Variants in AGBL4 observed in about 807,000 individuals in gnomAD.
The protein encoded by AGBL4 is AGBL carboxypeptidase 4, also known as cytosolic carboxypeptidase 6.
A neutral mutation model predicts 66.4 loss-of-function variants in AGBL4; 58 were observed. The ratio of observed to expected loss-of-function variants is 0.87; its 90% confidence interval spans 0.71 to 1.09. The LOEUF is 1.09. AGBL4 is among the 50% of genes least tolerant of loss of function. The pLI, the probability that AGBL4 is intolerant of heterozygous loss-of-function variation, is 0.00. For synonymous variants in AGBL4, 234 were observed against 222.9 expected (o/e 1.05, Z -0.44); for missense variants, 579 against 631.0 (o/e 0.92, Z 0.88).
At position 48,765,203 on chromosome 1, in the gene AGBL4, T is replaced by C. The variant is rs938986649; in HGVS notation, c.635-101962A>G. Among the ~76,000 whole-genome samples, 5 of 152,188 alleles carry C rather than the reference T, an allele frequency of 3.3e-5. No individual in the cohort carries two copies. The East Asian group carries it at 5.8e-4, about 18-fold the overall frequency. ...CTTATCCACTGGCGTATGAGTAACC[T>C]CATCAGGGCAGGGCCCATATCATAG... On this transcript the variant is annotated intron_variant, in intron 6 of 13. Transcript: ENST00000371839.
In AGBL4 at chr1:49,979,117, T is replaced by C. The variant is rs569598542; in HGVS notation, c.34+44646A>G. On this transcript the variant is annotated intron_variant, in intron 1 of 13. Coordinates refer to ENST00000371839, the MANE Select transcript of AGBL4 (RefSeq NM_032785.4). ...GTAGATACAAGTATCTTTTATAATTTACTACTGTAAAATACATACAAATTT... is the reference window on the plus strand; with the variant it reads ...GTAGATACAAGTATCTTTTATAATTCACTACTGTAAAATACATACAAATTT... Among the ~76,000 whole-genome samples, 446 of 152,346 alleles carry C rather than the reference T, an allele frequency of 2.9e-3. 3 individuals are homozygous for C. The highest frequency in any genetic ancestry group is 0.01 in the African/African-American group (422 of 41,582).
At chr1:49,747,938 GTGTGTT>G (rs1327692376) in intron 2 of AGBL4, among the ~76,000 whole-genome samples, 1 of 97,342 alleles carries the variant, frequency 1.0e-5, no homozygotes, top group African/African-American at 4.4e-5. Flanking sequence ...AAAGGAGTGT[GTGTGTT>G]TGTGTGTGTG....
intron 3 of AGBL4, among the ~76,000 whole-genome samples, chr1:49,385,775 C>G (rs879644820): frequency 3.3e-5 from 5 of 152,028 alleles, no homozygotes; most frequent in African/African-American, 9.7e-5. Context: ...GTCATCATCA[C>G]TCACAGCAGG....
At chr1:48,587,227 C>A in intron 10 of AGBL4, 61 bp from the exon 11 acceptor site, 2 of 1,484,688 alleles carry the variant, frequency 1.3e-6, no homozygotes, top group African/African-American at 1.4e-5. Flanking sequence ...GGATTGTGGG[C>A]AAATTTTACA....
At chr1:49,235,207 T>A (rs765834752) in intron 4 of AGBL4, among the ~76,000 whole-genome samples, 1 of 152,202 alleles carries the variant, frequency 6.6e-6, no homozygotes, top group African/African-American at 2.4e-5. Context: ...ATGTCAGTGA[T>A]AACAGCACCA....
chr1:49,189,272 T>C (rs1260679043), intron 4 of AGBL4, among the ~76,000 whole-genome samples: 1 of 152,146 alleles, frequency 6.6e-6, no homozygotes, highest in Non-Finnish European at 1.5e-5. Flanking sequence ...CCTCTTATAG[T>C]TGTCTGGAAT....
At chr1:48,664,846 A>T (rs1055795221) in intron 6 of AGBL4, among the ~76,000 whole-genome samples, 2 of 152,242 alleles carry the variant, frequency 1.3e-5, no homozygotes, top group Non-Finnish European at 2.9e-5. Context: ...ATTGATACAG[A>T]GCACAACAAT....
chr1:49,573,213 G>A (rs1644369257), intron 3 of AGBL4, among the ~76,000 whole-genome samples: 1 of 147,730 alleles, frequency 6.8e-6, no homozygotes, highest in Non-Finnish European at 1.5e-5. Flanking sequence ...TATCCCTCTA[G>A]ACAACCCTGA....
chr1:48,796,530 A>C (rs1396158877), intron 6 of AGBL4, among the ~76,000 whole-genome samples: 1 of 152,186 alleles, frequency 6.6e-6, no homozygotes, highest in East Asian at 1.9e-4. Flanking sequence ...GGAAGGAAGC[A>C]CTGGAGGTTG....
intron 3 of AGBL4, among the ~76,000 whole-genome samples, chr1:49,307,356 A>G (rs1479093615): frequency 6.6e-6 from 1 of 152,064 alleles, no homozygotes; most frequent in African/African-American, 2.4e-5. Context: ...AAACAAACAA[A>G]CAAGCAAACA....
chr1:49,954,217 A>T (rs1436011966), intron 1 of AGBL4, among the ~76,000 whole-genome samples: 1 of 151,808 alleles, frequency 6.6e-6, no homozygotes, highest in East Asian at 1.9e-4. Flanking sequence ...TTTAATCTTC[A>T]TTTCCCTGGT....
At chr1:49,944,015 C>T (rs1231589314) in intron 1 of AGBL4, among the ~76,000 whole-genome samples, 2 of 152,044 alleles carry the variant, frequency 1.3e-5, no homozygotes, top group East Asian at 3.9e-4. Context: ...TGGGAACCCA[C>T]ACCCCCATCC....
intron 3 of AGBL4, among the ~76,000 whole-genome samples, chr1:49,500,740 C>T (rs900209406): frequency 7.2e-5 from 11 of 151,908 alleles, no homozygotes; most frequent in African/African-American, 2.4e-4. Flanking sequence ...GGTCTATATG[C>T]CTGTTTTTAT....
intron 6 of AGBL4, among the ~76,000 whole-genome samples, chr1:48,753,713 G>A (rs1652100226): frequency 1.3e-5 from 2 of 152,162 alleles, no homozygotes; most frequent in African/African-American, 4.8e-5. Flanking sequence ...CTCTAAAACG[G>A]AGATAATAAT....
chr1:48,835,413 T>C (rs1336843189), intron 6 of AGBL4, among the ~76,000 whole-genome samples: 1 of 152,038 alleles, frequency 6.6e-6, no homozygotes, highest in Admixed American at 6.6e-5. Flanking sequence ...CCTTAAATAA[T>C]CACACAAATA....
At chr1:49,095,361 G>A (rs1053115820) in intron 4 of AGBL4, among the ~76,000 whole-genome samples, 25 of 152,052 alleles carry the variant, frequency 1.6e-4, no homozygotes, top group Non-Finnish European at 3.4e-4. Context: ...AACCAAAAAC[G>A]AGCCCACATT....
intron 3 of AGBL4, among the ~76,000 whole-genome samples, chr1:49,470,394 A>C (rs895774339): frequency 6.6e-6 from 1 of 151,978 alleles, no homozygotes; most frequent in African/African-American, 2.4e-5. Flanking sequence ...AGGAGAAACT[A>C]ATTTACTATC....
At chr1:49,599,208 A>G (rs974641450) in intron 3 of AGBL4, among the ~76,000 whole-genome samples, 7 of 152,196 alleles carry the variant, frequency 4.6e-5, no homozygotes, top group Non-Finnish European at 1.0e-4. Context: ...CTCTGTTAGA[A>G]TTCGGCTGTG....
intron 6 of AGBL4, among the ~76,000 whole-genome samples, chr1:48,848,215 A>G (rs913615681): frequency 3.3e-5 from 5 of 152,204 alleles, no homozygotes; most frequent in Non-Finnish European, 7.3e-5. Flanking sequence ...CCCCTTTCAC[A>G]TCATGTCAGT....
Sources: allele counts gnomAD v4.1 joint callset (sites outside exome capture counted in the v4.1 genomes callset), GRCh38; gene constraint gnomAD v4.1.1; transcripts MANE v1.5; gene names NCBI Gene and HGNC (gene_info 2026-07-23, HGNC 2026-07-21).